Variants in CTNNA2 observed in about 807,000 individuals in gnomAD.
The protein encoded by CTNNA2 is catenin alpha 2, also known as catenin alpha-2.
In CTNNA2, 42 loss-of-function variants were observed where a neutral mutation model predicts 101.0. That is an observed-to-expected ratio of 0.42 (90% CI 0.32 to 0.54). The LOEUF (loss-of-function observed/expected upper bound fraction) is 0.54, where lower values mean the gene tolerates loss of function less well. CTNNA2 is among the 20% of genes least tolerant of loss of function. The pLI is 0.14. For synonymous variants in CTNNA2, 450 were observed against 456.4 expected, an observed-to-expected ratio of 0.99 and a Z score of 0.18; for missense variants, 871 against 1,223.1, an observed-to-expected ratio of 0.71 and a Z score of 4.29.
chr2:79,762,716 T>C (rs1573905045), intron 3 of CTNNA2, among the ~76,000 whole-genome samples: 1 of 152,198 alleles, frequency 6.6e-6, no homozygotes, highest in African/African-American at 2.4e-5. Context: ...AATTAAAAAA[T>C]CAAGAATCTT....
chr2:80,415,176 G>A (rs1679933861), intron 8 of CTNNA2, among the ~76,000 whole-genome samples: 1 of 152,194 alleles, frequency 6.6e-6, no homozygotes. Flanking sequence ...ACACTAGGCA[G>A]TTTTCCTTCA....
At chr2:79,383,056 A>G (rs1678058071) in intron 4 of CTNNA2, among the ~76,000 whole-genome samples, 1 of 152,226 alleles carries the variant, frequency 6.6e-6, no homozygotes, top group Non-Finnish European at 1.5e-5. Context: ...ATAAGTCAAT[A>G]GTGTATGAGT....
intron 7 of CTNNA2, among the ~76,000 whole-genome samples, chr2:79,948,229 G>GA (rs1358948551): frequency 6.6e-6 from 1 of 152,208 alleles, no homozygotes; most frequent in African/African-American, 2.4e-5. Context: ...CCCTAGCACA[G>GA]AGCTGCATAC....
chr2:79,790,511 C>T (rs562119182), intron 3 of CTNNA2, among the ~76,000 whole-genome samples: 4 of 152,110 alleles, frequency 2.6e-5, no homozygotes, highest in Non-Finnish European at 2.9e-5. Context: ...TGAATTGAGG[C>T]GTAATGATTG....
chr2:79,548,686 C>T lies in CTNNA2; in HGVS notation c.-6+35479C>T, dbSNP rs187857801. On this transcript the variant is annotated intron_variant, in intron 1 of 18. Transcript: ENST00000402739. ...AAATCTACAACCATATCCTAGAAGGCGATCCATGTCTGGGACTGGACCATT... is the reference window on the plus strand; with the variant it reads ...AAATCTACAACCATATCCTAGAAGGTGATCCATGTCTGGGACTGGACCATT... 3.8e-3 allele frequency among the ~76,000 whole-genome samples: 573 copies of T among 152,294 alleles called. 4 individuals are homozygous for T. Among genetic ancestry groups the T allele is most frequent in the Non-Finnish European group, 2.3e-3 (158 of 68,022 alleles).
At chr2:80,352,966 A>G (rs1246433365) in intron 7 of CTNNA2, among the ~76,000 whole-genome samples, 1 of 152,074 alleles carries the variant, frequency 6.6e-6, no homozygotes, top group Non-Finnish European at 1.5e-5. Flanking sequence ...CTGGGGAAGT[A>G]GGTTCATTAC....
intron 7 of CTNNA2, among the ~76,000 whole-genome samples, chr2:80,079,828 T>TAAAATAAATAAAATAAAATA (rs371009954): frequency 2.5e-5 from 3 of 120,086 alleles, no homozygotes; most frequent in African/African-American, 6.3e-5. Flanking sequence ...TAAAATAAAA[T>TAAAATAAATAAAATAAAATA]AAATAAAATA....
chr2:79,433,138 C>T (rs958782109), intron 4 of CTNNA2, among the ~76,000 whole-genome samples: 1 of 152,230 alleles, frequency 6.6e-6, no homozygotes, highest in Admixed American at 6.5e-5. Flanking sequence ...GCTCACTCCC[C>T]TCAGCCTGAT....
intron 7 of CTNNA2, among the ~76,000 whole-genome samples, chr2:79,967,079 T>G (rs1265275473): frequency 1.3e-5 from 2 of 150,972 alleles, no homozygotes; most frequent in Non-Finnish European, 2.9e-5. Context: ...CCCTGACTTC[T>G]CTGTGCTCAA....
At chr2:80,297,546 A>G (rs2149194669) in intron 7 of CTNNA2, among the ~76,000 whole-genome samples, 1 of 152,314 alleles carries the variant, frequency 6.6e-6, no homozygotes, top group South Asian at 2.1e-4. Flanking sequence ...TAAAAAAAGC[A>G]AAAGTCTTCA....
At chr2:79,608,862 ACT>A (rs971997421) in intron 1 of CTNNA2, among the ~76,000 whole-genome samples, 4 of 151,930 alleles carry the variant, frequency 2.6e-5, no homozygotes, top group Admixed American at 1.3e-4. Context: ...GTAGATGTCC[ACT>A]CTCCTTGATT....
intron 12 of CTNNA2, among the ~76,000 whole-genome samples, chr2:80,569,096 T>C (rs192871705): frequency 5.2e-4 from 79 of 152,274 alleles, no homozygotes; most frequent in African/African-American, 1.9e-3. Context: ...AGCAGTCCTA[T>C]TTGAATATTT....
chr2:79,623,670 A>G (rs72822511), intron 1 of CTNNA2, among the ~76,000 whole-genome samples: 3 of 152,304 alleles, frequency 2.0e-5, no homozygotes, highest in Non-Finnish European at 4.4e-5. Context: ...ATCTCAAGTA[A>G]TTGATGTCCC....
chr2:79,250,920 G>C (rs1460638851), intron 2 of CTNNA2, among the ~76,000 whole-genome samples: 1 of 151,890 alleles, frequency 6.6e-6, no homozygotes, highest in Non-Finnish European at 1.5e-5. Context: ...TGCTCCTCTG[G>C]GTTTACGAAA....
intron 16 of CTNNA2, among the ~76,000 whole-genome samples, chr2:80,606,613 A>C (rs924338341): frequency 6.6e-6 from 1 of 151,946 alleles, no homozygotes; most frequent in Non-Finnish European, 1.5e-5. Context: ...ACCTATTTCC[A>C]TGATTTAGGA....
At chr2:80,083,925 A>C (rs1481189813) in intron 7 of CTNNA2, among the ~76,000 whole-genome samples, 1 of 152,124 alleles carries the variant, frequency 6.6e-6, no homozygotes, top group Non-Finnish European at 1.5e-5. Context: ...TCAAAATAGT[A>C]AATGCTAGCT....
rs1700231573 is a variant in CTNNA2 at position 80,097,495 on chromosome 2, C to A, written c.1056+187698C>A. ...GACAATTATGTGTCTTGGAGTTGCT[C>A]TTCTCGAGGAGTATCTTTGTGGCGT... On this transcript the variant is annotated intron_variant, in intron 7 of 18. Transcript: ENST00000402739. 2.0e-5 allele frequency among the ~76,000 whole-genome samples: 3 copies of A among 152,102 alleles called. No homozygotes were observed. The South Asian group carries it at 6.2e-4, about 32-fold the overall frequency.
chr2:80,427,860 A>G (rs1457239878), intron 9 of CTNNA2, among the ~76,000 whole-genome samples: 1 of 152,272 alleles, frequency 6.6e-6, no homozygotes, highest in Non-Finnish European at 1.5e-5. Flanking sequence ...TGCTGGCAAC[A>G]TAACCATGAA....
chr2:80,597,345 A>G (rs1697071814), intron 15 of CTNNA2, among the ~76,000 whole-genome samples: 1 of 152,158 alleles, frequency 6.6e-6, no homozygotes, highest in Non-Finnish European at 1.5e-5. Flanking sequence ...AAAACCCAAA[A>G]CCAAACAAAC....
Sources: gnomAD v4.1 joint callset for allele counts (sites outside exome capture counted in the v4.1 genomes callset) on GRCh38, gnomAD v4.1.1 for gene constraint, MANE v1.5 for transcripts, NCBI Gene and HGNC (gene_info 2026-07-23, HGNC 2026-07-21) for gene names.